The following PHACTR2 variants were observed in gnomAD, a reference collection of about 807,000 sequenced individuals.
PHACTR2 encodes chromosome 6 open reading frame 56.
Under a neutral mutation model 76.0 loss-of-function variants are expected in PHACTR2, and 30 were observed. The ratio of observed to expected loss-of-function variants is 0.39; its 90% CI spans 0.30 to 0.54. The LOEUF (loss-of-function observed/expected upper bound fraction) is 0.54. PHACTR2 is among the 20% of genes least tolerant of loss of function. The pLI is 0.61. For missense variants in PHACTR2, 696 were observed against 781.1 expected (o/e 0.89, Z 1.30); for synonymous variants, 292 against 292.5 (o/e 1.00, Z 0.02).
At chr6:143,666,795 A>T (rs144634504) in intron 1 of PHACTR2, among the ~76,000 whole-genome samples, 2,783 of 152,318 alleles carry the variant, frequency 0.018, 86 homozygotes, top group African/African-American at 0.062. Flanking sequence ...TCAGATGGAT[A>T]GATTGCAAAA....
rs1254281107 is a variant in PHACTR2, at chr6:143,571,028, T to C, written c.217+33821T>C. Among the ~76,000 whole-genome samples the C allele has an allele frequency of 6.6e-6, 1 of 152,212 alleles. No individual in the cohort carries two copies. The highest frequency in any genetic ancestry group is 1.5e-5 in the Non-Finnish European group (1 of 68,044). On this transcript the variant is annotated intron_variant, in intron 1 of 11. Transcript: ENST00000367584. The surrounding 1 kb of genome is among the most constrained non-coding windows in gnomAD (Gnocchi z 4.6). ...TTAAGATCATTTAACTTTTAGCTGC[T>C]GCAAAACTGGTACATGGAGTTCTCG...
intron 1 of PHACTR2, among the ~76,000 whole-genome samples, chr6:143,635,114 G>A: frequency 6.6e-6 from 1 of 152,112 alleles, no homozygotes; most frequent in South Asian, 2.1e-4. Context: ...GATGGCATGT[G>A]TTACTTTATC....
Position 143,541,303 on chromosome 6 carries a change from C to T in PHACTR2, c.217+4096C>T, listed in dbSNP as rs139200667. 8.5e-4 allele frequency among the ~76,000 whole-genome samples: 130 copies of T among 152,276 alleles called. No homozygotes were observed. Among genetic ancestry groups the T allele is most frequent in the Non-Finnish European group, 1.3e-3 (87 of 68,020 alleles). ...GCACAGTGTTTAGTAAGTAAAGAACCTGAAGACACACAGCCAGGGGCATAG... is the reference window on the plus strand; with the variant it reads ...GCACAGTGTTTAGTAAGTAAAGAACTTGAAGACACACAGCCAGGGGCATAG... On this transcript the variant is annotated intron_variant, in intron 1 of 11. Coordinates refer to the PHACTR2 transcript ENST00000367584. This position sits in a 1 kb window ranked among gnomAD's most constrained non-coding sequence, Gnocchi z 5.3.
Position 143,625,293 on chromosome 6 carries a change from T to G in PHACTR2, c.13+16971T>G, listed in dbSNP as rs546490918. 1.1e-4 allele frequency among the ~76,000 whole-genome samples: 16 copies of G among 152,354 alleles called. 1 individual carries two copies. In the South Asian group the frequency reaches 3.1e-3, roughly 30 times the overall value. On this transcript the variant is annotated intron_variant, in intron 1 of 11. Transcript: ENST00000305766. The surrounding 1 kb of genome is among the most constrained non-coding windows in gnomAD (Gnocchi z 4.3). Reference sequence around the variant, plus strand: ...TAGTTTCTGTGCCAGAATTCTTATTTATTGTGAGATATATCAAATTTTTAC... The same window carrying G: ...TAGTTTCTGTGCCAGAATTCTTATTGATTGTGAGATATATCAAATTTTTAC...
chr6:143,651,936 G>A (rs1396150889), intron 1 of PHACTR2, among the ~76,000 whole-genome samples: 2 of 151,684 alleles, frequency 1.3e-5, no homozygotes, highest in Non-Finnish European at 2.9e-5. Flanking sequence ...AAAAGGCCAT[G>A]TGAGGACATA....
At chr6:143,781,887 T>C (rs543334369) in intron 9 of PHACTR2, among the ~76,000 whole-genome samples, 2 of 152,368 alleles carry the variant, frequency 1.3e-5, no homozygotes, top group Admixed American at 6.5e-5. Flanking sequence ...TTACAGTTTA[T>C]GTCCACTCTT....
In PHACTR2 at chr6:143,739,504, T is replaced by C. The variant is rs1242002049; in HGVS notation, c.215-9481T>C. On this transcript the variant is annotated intron_variant, in intron 2 of 12. Coordinates refer to ENST00000440869, the MANE Select transcript of PHACTR2 (RefSeq NM_001100164.2). The surrounding 1 kb of genome is among the most constrained non-coding windows in gnomAD (Gnocchi z 4.3). ...GTGTCACTGTGTCTTAGGTTTACCATCTTTTACTGTAAAGAAACAGGAAAT... is the reference window on the plus strand; with the variant it reads ...GTGTCACTGTGTCTTAGGTTTACCACCTTTTACTGTAAAGAAACAGGAAAT... Among the ~76,000 whole-genome samples the C allele has an allele frequency of 6.6e-6, 1 of 152,230 alleles. No homozygotes were observed. The highest frequency in any genetic ancestry group is 1.5e-5 in the Non-Finnish European group (1 of 68,026).
chr6:143,729,135 T>G lies in PHACTR2; in HGVS notation c.214+16952T>G, dbSNP rs1028612367. On this transcript the variant is annotated intron_variant, in intron 2 of 12. Transcript: ENST00000440869. ...TTCATGTACGCATCTGCCATCCATA[T>G]ATCCTCTTTGATGAAGTTTCTATTC... 3.3e-5 allele frequency among the ~76,000 whole-genome samples: 5 copies of G among 152,188 alleles called. No individual in the cohort carries two copies. The South Asian group carries it at 1.0e-3, about 32-fold the overall frequency.
chr6:143,576,260 T>C (rs189179612), intron 1 of PHACTR2, among the ~76,000 whole-genome samples: 1 of 152,338 alleles, frequency 6.6e-6, no homozygotes, highest in Admixed American at 6.5e-5. Flanking sequence ...TGCTGCTGTA[T>C]AACACTCCGC....
At position 143,801,542 on chromosome 6, in the gene PHACTR2, C is replaced by G. The variant is rs1056490196; in HGVS notation, c.1846-5515C>G. ...GGAGTTCTCGTACTGTAGTTTTCAG[C>G]TCCATCAGGTTATTTAAGCTCTTCT... On this transcript the variant is annotated intron_variant, in intron 11 of 12. Transcript: ENST00000440869. The surrounding 1 kb of genome is among the most constrained non-coding windows in gnomAD (Gnocchi z 4.6). 6.6e-6 allele frequency among the ~76,000 whole-genome samples: 1 copy of G among 152,152 alleles called. No individual in the cohort carries two copies. Among genetic ancestry groups the G allele is most frequent in the Admixed American group, 6.5e-5 (1 of 15,280 alleles).
At chr6:143,766,723 A>T (rs1458125986) in intron 6 of PHACTR2, among the ~76,000 whole-genome samples, 3 of 152,188 alleles carry the variant, frequency 2.0e-5, no homozygotes, top group Non-Finnish European at 4.4e-5. Context: ...CAAGCTGGAA[A>T]CCTGGGGTTC....
In PHACTR2 at chr6:143,780,730, C is replaced by T. The variant is rs1249016420; in HGVS notation, c.1646-2489C>T. On this transcript the variant is annotated intron_variant, in intron 9 of 12. Coordinates refer to ENST00000440869, the MANE Select transcript of PHACTR2 (RefSeq NM_001100164.2). The surrounding 1 kb of genome is among the most constrained non-coding windows in gnomAD (Gnocchi z 4.4). ...TTTATCGGAAATGCTTCTTGCGGGT[C>T]GTCCGAAATGTTCGCCCCTCTCTGC... Among the ~76,000 whole-genome samples the T allele has an allele frequency of 6.6e-6, 1 of 152,116 alleles. No homozygotes were observed. The highest frequency in any genetic ancestry group is 1.9e-4 in the East Asian group (1 of 5,190).
rs140302397 is a variant in PHACTR2 at position 143,754,234 on chromosome 6, T to C, written c.454+322T>C. 5 of 173,494 alleles carry C rather than the reference T, an allele frequency of 2.9e-5. No homozygotes were observed. The East Asian group carries it at 6.5e-4, about 23-fold the overall frequency. 10.7% of individuals were successfully genotyped at this position (173,494 alleles called of 1,614,324 possible). On this transcript the variant is annotated intron_variant, in intron 4 of 12. Coordinates refer to ENST00000440869, the MANE Select transcript of PHACTR2 (RefSeq NM_001100164.2). The surrounding 1 kb of genome is among the most constrained non-coding windows in gnomAD (Gnocchi z 6.2). ...TCTTAGGAGCTTTGTCTCAGGATCA[T>C]AATGAAAGTGAGAAATCTGAACATC...
intron 1 of PHACTR2, among the ~76,000 whole-genome samples, chr6:143,670,955 G>A (rs531753866): frequency 5.3e-5 from 8 of 150,188 alleles, no homozygotes; most frequent in South Asian, 2.1e-4. Context: ...ATGGAGTCTC[G>A]CTCTGCAGCC....
At chr6:143,577,648 CACAAA>C (rs1028886431) in intron 1 of PHACTR2, among the ~76,000 whole-genome samples, 5 of 152,102 alleles carry the variant, frequency 3.3e-5, no homozygotes, top group African/African-American at 9.7e-5. Context: ...GGCTTTGAAT[CACAAA>C]ACTCAGACAT....
In PHACTR2 at chr6:143,633,544, C is replaced by T. The variant is rs2128442479; in HGVS notation, c.13+25222C>T. ...AAGAGTTTATATTTTGGGTAACCATCATTTATCAGATATGTCTTCTGCAAG... is the reference window on the plus strand; with the variant it reads ...AAGAGTTTATATTTTGGGTAACCATTATTTATCAGATATGTCTTCTGCAAG... On this transcript the variant is annotated intron_variant, in intron 1 of 11. Coordinates refer to the PHACTR2 transcript ENST00000305766. The surrounding 1 kb of genome is among the most constrained non-coding windows in gnomAD (Gnocchi z 4.1). Among the ~76,000 whole-genome samples, 1 of 152,308 alleles carries T rather than the reference C, an allele frequency of 6.6e-6. No homozygotes were observed. The highest frequency in any genetic ancestry group is 6.5e-5 in the Admixed American group (1 of 15,296).
rs1336736976 is a variant in PHACTR2, at chr6:143,541,111, A to G, written c.217+3904A>G. Among the ~76,000 whole-genome samples the G allele has an allele frequency of 6.6e-6, 1 of 152,216 alleles. No individual in the cohort carries two copies. Among genetic ancestry groups the G allele is most frequent in the Non-Finnish European group, 1.5e-5 (1 of 68,046 alleles). On this transcript the variant is annotated intron_variant, in intron 1 of 11. Transcript: ENST00000367584. The surrounding 1 kb of genome is among the most constrained non-coding windows in gnomAD (Gnocchi z 5.3). The stretch of plus-strand genomic sequence containing the variant: ...CAGCCTTGGATTTTTAAAATCCAGT[A>G]TTTCTTTGTAAATAAAGTGATGTTT...
chr6:143,723,732 C>T (rs1401893279), intron 2 of PHACTR2, among the ~76,000 whole-genome samples: 1 of 152,144 alleles, frequency 6.6e-6, no homozygotes, highest in African/African-American at 2.4e-5. Flanking sequence ...GACACTGGGT[C>T]GGAGTCTCTG....
At position 143,791,159 on chromosome 6, in the gene PHACTR2, T is replaced by G. The variant is rs1469352938; in HGVS notation, c.1845+2249T>G. On this transcript the variant is annotated intron_variant, in intron 11 of 12. Transcript: ENST00000440869. The surrounding 1 kb of genome is among the most constrained non-coding windows in gnomAD (Gnocchi z 4.7). ...TAACTTTTTTGTTTACCTGGAGTTG[T>G]TTTTTGGGGGAAGGTATAAGATATG... Among the ~76,000 whole-genome samples, 2 of 152,190 alleles carry G rather than the reference T, an allele frequency of 1.3e-5. No individual in the cohort carries two copies. The highest frequency in any genetic ancestry group is 4.8e-5 in the African/African-American group (2 of 41,438).
Sources: gnomAD v4.1 joint callset for allele counts (sites outside exome capture counted in the v4.1 genomes callset) on GRCh38, gnomAD v4.1.1 for gene constraint, Gnocchi (gnomAD v3.1) non-coding constraint, MANE v1.5 for transcripts, NCBI Gene and HGNC (gene_info 2026-07-23, HGNC 2026-07-21) for gene names.